Variants in ATP8A1 observed in about 807,000 individuals in gnomAD.
ATP8A1 encodes phospholipid-transporting ATPase IA.
Under a neutral mutation model 177.7 loss-of-function variants are expected in ATP8A1, and 90 were observed. The ratio of observed to expected loss-of-function variants is 0.51; its 90% CI spans 0.43 to 0.60. The LOEUF (loss-of-function observed/expected upper bound fraction) is 0.60, where lower values mean the gene tolerates loss of function less well. Among genes scored for constraint, ATP8A1 ranks in the 20% least tolerant of loss-of-function variants. The pLI, the probability that ATP8A1 is intolerant of heterozygous loss-of-function variation, is 0.00. For missense variants in ATP8A1, 1,072 were observed against 1,392.8 expected, an observed-to-expected ratio of 0.77 and a Z score of 3.67; for synonymous variants, 493 against 485.9, an observed-to-expected ratio of 1.01 and a Z score of -0.19.
At chr4:42,530,206 T>C (rs1727121086) in intron 20 of ATP8A1, among the ~76,000 whole-genome samples, 1 of 152,180 alleles carries the variant, frequency 6.6e-6, no homozygotes, top group Admixed American at 6.5e-5. Context: ...CTCAGCAACA[T>C]GGACTTCTAC....
Position 42,480,366 on chromosome 4 carries a change from G to A in ATP8A1, c.2324+5130C>T, listed in dbSNP as rs539413282. 1.6e-4 allele frequency among the ~76,000 whole-genome samples: 25 copies of A among 152,214 alleles called. No homozygotes were observed. The South Asian group carries it at 4.8e-3, about 29-fold the overall frequency. On this transcript the variant is annotated intron_variant, in intron 25 of 36. Transcript: ENST00000381668. ...AGTGTGTCCTCTTTTAGCTGTACAC[G>A]TATGAAAGAAATATTCTCTCAACAT...
In ATP8A1 at chr4:42,657,046, G is replaced by A; in HGVS notation, c.-173C>T. 1 of 560,930 alleles carries A rather than the reference G, an allele frequency of 1.8e-6. No homozygotes were observed. Among genetic ancestry groups the A allele is most frequent in the Non-Finnish European group, 2.7e-6 (1 of 375,668 alleles). 34.7% of individuals were successfully genotyped at this position (560,930 alleles called of 1,614,324 possible). ...CGCGGCCCCCGCACGCCGACAGGAG[G>A]AGGAGAAAGGCAGCGGTGGCGGCGA... On this transcript the variant is annotated 5_prime_UTR_variant, in exon 1 of 37. Coordinates refer to ENST00000381668, the MANE Select transcript of ATP8A1 (RefSeq NM_006095.2).
At chr4:42,532,662 T>C (rs745350133) in intron 20 of ATP8A1, among the ~76,000 whole-genome samples, 3 of 152,180 alleles carry the variant, frequency 2.0e-5, no homozygotes, top group Non-Finnish European at 4.4e-5. Flanking sequence ...AACTTGCAGC[T>C]CCTACTCAGA....
At chr4:42,535,072 C>T (rs1006008957) in intron 20 of ATP8A1, among the ~76,000 whole-genome samples, 1 of 151,880 alleles carries the variant, frequency 6.6e-6, no homozygotes, top group Admixed American at 6.6e-5. Flanking sequence ...ATAAATCTCA[C>T]AGGACCTGTA....
chr4:42,419,358 G>A (rs1406448315), intron 35 of ATP8A1, among the ~76,000 whole-genome samples: 2 of 152,022 alleles, frequency 1.3e-5, no homozygotes, highest in African/African-American at 2.4e-5. Context: ...AATCTAGTAG[G>A]GGGAAAATAA....
intron 5 of ATP8A1, among the ~76,000 whole-genome samples, chr4:42,614,638 T>C (rs1736721079): frequency 6.6e-6 from 1 of 152,124 alleles, no homozygotes; most frequent in Non-Finnish European, 1.5e-5. Context: ...CGACTCAATA[T>C]CCACAAGAAA....
chr4:42,426,680 C>G (rs1239080886), intron 33 of ATP8A1, among the ~76,000 whole-genome samples: 1 of 152,198 alleles, frequency 6.6e-6, no homozygotes. Context: ...GTCTCTGGTT[C>G]TTTCCAGTGA....
Position 42,627,027 on chromosome 4 carries a change from G to C in ATP8A1, c.132C>G (p.Pro44=), listed in dbSNP as rs1345820864. The change falls in exon 2 of 37, where the codon CCC becomes CCG. Residue 44 remains proline (P), a synonymous_variant. Transcript: ENST00000381668. The part of the protein sequence containing the change: ...EEVRTIFINQ[P]QLTKFCNNHV... ...GGTTATTGCAGAATTTTGTCAGCTG[G>C]GGCTGGTTGATGAAAATAGTCCTTA... is the stretch of plus-strand genomic sequence containing the variant. 5 of 1,614,026 alleles carry C rather than the reference G, an allele frequency of 3.1e-6. No individual in the cohort carries two copies. The highest frequency in any genetic ancestry group is 4.2e-6 in the Non-Finnish European group (5 of 1,179,964).
intron 27 of ATP8A1, chr4:42,459,494 TA>T: frequency 2.9e-6 from 1 of 344,530 alleles, no homozygotes. Flanking sequence ...TCTATGTAAA[TA>T]AACTGTATAA....
At chr4:42,620,464 G>C (rs1737355273) in intron 4 of ATP8A1, among the ~76,000 whole-genome samples, 1 of 152,074 alleles carries the variant, frequency 6.6e-6, no homozygotes, top group Admixed American at 6.5e-5. Context: ...AAACTTCTTG[G>C]ATACAATTTT....
chr4:42,610,814 A>G (rs1870611), intron 5 of ATP8A1, among the ~76,000 whole-genome samples: 77,705 of 151,960 alleles, frequency 0.51, 20,133 homozygotes, highest in East Asian at 0.75. Context: ...TCACTGAAAC[A>G]CTACTTTCTA....
intron 15 of ATP8A1, among the ~76,000 whole-genome samples, chr4:42,565,198 T>C (rs1731235957): frequency 6.6e-6 from 1 of 152,230 alleles, no homozygotes; most frequent in Non-Finnish European, 1.5e-5. Context: ...ATACACTATG[T>C]GACTCAACAT....
At chr4:42,576,348 C>T (rs936832666) in intron 12 of ATP8A1, among the ~76,000 whole-genome samples, 16 of 151,612 alleles carry the variant, frequency 1.1e-4, no homozygotes, top group African/African-American at 3.6e-4. Context: ...TGGTGGCAGG[C>T]ACCTGCAGTC....
intron 24 of ATP8A1, among the ~76,000 whole-genome samples, chr4:42,497,479 T>C (rs1258026306): frequency 6.6e-6 from 1 of 152,152 alleles, no homozygotes; most frequent in African/African-American, 2.4e-5. Context: ...TATCTGCAAT[T>C]CTAGGTCTCA....
rs756211915 is a variant in ATP8A1 at position 42,422,851 on chromosome 4, C to T, written c.3261G>A (p.Leu1087=). The T allele has an allele frequency of 1.4e-5, 22 of 1,612,798 alleles. No homozygotes were observed. The South Asian group carries it at 2.3e-4, about 17-fold the overall frequency. The change falls in exon 35 of 37, where the codon CTG becomes CTA. Residue 1087 remains leucine (L), a synonymous_variant. Coordinates refer to ENST00000381668, the MANE Select transcript of ATP8A1 (RefSeq NM_006095.2). The part of the protein sequence containing the change: ...FKTLVDEVQE[L]EAKSQDPGAV... ...CTCCTGGGTCTTGAGATTTTGCCTC[C>T]AGCTCCTGAACTTCATCGACCAATG...
intron 10 of ATP8A1, 53 bp downstream of exon 10, chr4:42,581,568 C>T (rs1201749455): frequency 1.2e-5 from 15 of 1,287,660 alleles, no homozygotes; most frequent in Non-Finnish European, 1.6e-5. Context: ...ATCTGTAAAT[C>T]ATACACTCAC....
chr4:42,570,069 C>T lies in ATP8A1; in HGVS notation c.1296-864G>A, dbSNP rs147948057. On this transcript the variant is annotated intron_variant, in intron 14 of 36. Transcript: ENST00000381668. ...GTCACTGTTATTTTTGACGAATATA[C>T]AATAAACTTTGTTAAAAACTCATGG... Among the ~76,000 whole-genome samples, 8 of 152,200 alleles carry T rather than the reference C, an allele frequency of 5.3e-5. No homozygotes were observed. The East Asian group carries it at 1.5e-3, about 29-fold the overall frequency.
chr4:42,577,891 AGGCATAT>A (rs1476761586), intron 12 of ATP8A1, among the ~76,000 whole-genome samples: 1 of 152,166 alleles, frequency 6.6e-6, no homozygotes, highest in African/African-American at 2.4e-5. Context: ...GATGTAGGTA[AGGCATAT>A]TATCCCTATG....
intron 25 of ATP8A1, among the ~76,000 whole-genome samples, chr4:42,484,687 T>C (rs1722021741): frequency 6.6e-6 from 1 of 152,214 alleles, no homozygotes; most frequent in Non-Finnish European, 1.5e-5. Flanking sequence ...GCACAGATAC[T>C]GAGAAATCTT....
Sources: gnomAD v4.1 joint callset for allele counts (sites outside exome capture counted in the v4.1 genomes callset) on GRCh38, gnomAD v4.1.1 for gene constraint, MANE v1.5 for transcripts, NCBI Gene and HGNC (gene_info 2026-07-23, HGNC 2026-07-21) for gene names.